Variants in THADA observed in about 807,000 individuals in gnomAD.
THADA encodes the protein tRNA (32-2'-O)-methyltransferase regulator THADA.
Under a neutral mutation model 219.8 loss-of-function variants are expected in THADA, and 213 were observed. The ratio of observed to expected loss-of-function variants is 0.97; its 90% CI spans 0.87 to 1.09. THADA has a LOEUF of 1.09. Among genes scored for constraint, THADA ranks in the 50% least tolerant of loss-of-function variants. The probability of loss-of-function intolerance (pLI) is 0.00; values close to 1 mark genes in which losing one functional copy is unlikely to be tolerated. For missense variants in THADA, 2,956 were observed against 2,311.3 expected, an observed-to-expected ratio of 1.28 and a Z score of -5.72; for synonymous variants, 1,018 against 828.9, an observed-to-expected ratio of 1.23 and a Z score of -3.92.
intron 26 of THADA, among the ~76,000 whole-genome samples, chr2:43,460,239 A>T (rs1003720746): frequency 6.3e-3 from 97 of 15,490 alleles, no homozygotes; most frequent in Admixed American, 0.023. Flanking sequence ...TTCTCTTAAT[A>T]AAAAAAAAAA....
intron 21 of THADA, among the ~76,000 whole-genome samples, chr2:43,539,378 T>C (rs534432916): frequency 6.6e-6 from 1 of 152,362 alleles, no homozygotes; most frequent in Non-Finnish European, 1.5e-5. Context: ...CATGTAAGTA[T>C]ATTTAATTAT....
intron 21 of THADA, among the ~76,000 whole-genome samples, chr2:43,530,377 C>T (rs1052168388): frequency 2.0e-5 from 3 of 152,040 alleles, no homozygotes; most frequent in African/African-American, 4.8e-5. Flanking sequence ...CGAATTAAAC[C>T]CCTAAAATAG....
At chr2:43,552,779 G>A (rs1003868058) in intron 17 of THADA, among the ~76,000 whole-genome samples, 1 of 150,722 alleles carries the variant, frequency 6.6e-6, no homozygotes, top group African/African-American at 2.4e-5. Context: ...ATTAATTTTA[G>A]AACATTTTCA....
intron 29 of THADA, among the ~76,000 whole-genome samples, chr2:43,395,388 G>A (rs752251994): frequency 7.9e-5 from 12 of 152,172 alleles, no homozygotes; most frequent in Non-Finnish European, 1.6e-4. Context: ...GAGCCACAAT[G>A]GTCCATCTTT....
chr2:43,343,211 T>C (rs1667246760), intron 30 of THADA: 1 of 152,162 alleles, frequency 6.6e-6, no homozygotes, highest in Non-Finnish European at 1.5e-5. Context: ...TTGTTGTCGT[T>C]GTTTTGTAGA....
rs2103997804 is a variant in THADA at position 43,570,405 on chromosome 2, A to T, written c.2170T>A (p.Ser724Thr). The T allele has an allele frequency of 6.2e-7, 1 of 1,612,426 alleles. No homozygotes were observed. The highest frequency in any genetic ancestry group is 2.2e-5 in the East Asian group (1 of 44,796). Reference sequence around the variant, plus strand: ...TCACCTACCTTATACTGCTGTAAAGAAACAGAAGGGTGCTGTTTGGTTAAC... The same window carrying T: ...TCACCTACCTTATACTGCTGTAAAGTAACAGAAGGGTGCTGTTTGGTTAAC... ...NELTKQHPSV[S>T]LQQYKNFMSS... Residue 724 changes from serine (S) to threonine (T), a missense_variant, in exon 14 of 38, where the codon TCT (serine) becomes ACT (threonine). By Grantham distance (58) the Ser-to-Thr change is moderately conservative. Coordinates refer to ENST00000405975, the MANE Select transcript of THADA (RefSeq NM_022065.5).
intron 29 of THADA, among the ~76,000 whole-genome samples, chr2:43,348,883 T>C (rs1456289521): frequency 6.6e-6 from 1 of 152,124 alleles, no homozygotes; most frequent in Non-Finnish European, 1.5e-5. Context: ...GGGAGCTCTA[T>C]TAATAATCAC....
At chr2:43,392,846 A>G (rs978533065) in intron 29 of THADA, among the ~76,000 whole-genome samples, 4 of 152,176 alleles carry the variant, frequency 2.6e-5, no homozygotes, top group Non-Finnish European at 4.4e-5. Flanking sequence ...TTAAGTTTGC[A>G]TCAAAGGCAA....
chr2:43,291,588 A>G lies in THADA; in HGVS notation c.5010+108T>C, dbSNP rs142093778. The G allele has an allele frequency of 1.3e-4, 86 of 661,640 alleles. No homozygotes were observed. In the East Asian group the frequency reaches 2.6e-3, roughly 20 times the overall value. The allele number at this position is 661,640 out of a possible 1,614,324, so 41.0% of individuals were successfully genotyped here. ...ATATTTCTGTAGATGTTACATACAC[A>G]TATCACAGGGGTTCTGCCTGCTAAG... On this transcript the variant is annotated intron_variant, in intron 34 of 37. Transcript: ENST00000405975.
intron 3 of THADA, 57 bp downstream of exon 3, chr2:43,591,895 A>G: frequency 8.4e-7 from 1 of 1,187,446 alleles, no homozygotes; most frequent in Non-Finnish European, 1.1e-6. Context: ...TTTTTTTTAA[A>G]TCCTTAATAG....
Position 43,541,218 on chromosome 2 carries a change from G to A in THADA, c.3205C>T (p.Gln1069Ter), listed in dbSNP as rs1695257649. ...GGCACAGGCTGCATGGGCAGAAGCTGGCACAACATGCCTAAAAGTAAAGCA... is the reference window on the plus strand; with the variant it reads ...GGCACAGGCTGCATGGGCAGAAGCTAGCACAACATGCCTAAAAGTAAAGCA... Reference protein sequence around the residue: ...EVALLLGMLCQLLPMQPVPES... With the variant: ...EVALLLGMLC Residue 1069 changes from glutamine (Q) to a stop codon, truncating the protein, a stop_gained, in exon 21 of 38, where the codon CAG (glutamine) becomes TAG (stop). Transcript: ENST00000405975. LOFTEE classifies it high-confidence loss of function. 6.2e-7 allele frequency: 1 copy of A among 1,610,870 alleles called. No homozygotes were observed. The highest frequency in any genetic ancestry group is 1.1e-5 in the South Asian group (1 of 90,270).
At chr2:43,391,839 T>C (rs1309579145) in intron 29 of THADA, 1 of 152,208 alleles carries the variant, frequency 6.6e-6, no homozygotes, top group Non-Finnish European at 1.5e-5. Context: ...GCCTTAACCC[T>C]TCTTGGACTA....
intron 29 of THADA, among the ~76,000 whole-genome samples, chr2:43,379,069 T>A (rs545310413): frequency 6.6e-6 from 1 of 152,080 alleles, no homozygotes; most frequent in Admixed American, 6.5e-5. Context: ...TTAGCAAGCA[T>A]AAATACTGAG....
chr2:43,234,592 C>G (rs1161175263), intron 36 of THADA, among the ~76,000 whole-genome samples: 1 of 152,216 alleles, frequency 6.6e-6, no homozygotes, highest in South Asian at 2.1e-4. Context: ...TTCTGCAGTT[C>G]TCAATTGGCT....
intron 14 of THADA, among the ~76,000 whole-genome samples, chr2:43,567,919 G>C (rs1242943472): frequency 6.6e-6 from 1 of 152,142 alleles, no homozygotes; most frequent in Non-Finnish European, 1.5e-5. Flanking sequence ...CATTACTCAA[G>C]TCCTCCATTC....
intron 22 of THADA, among the ~76,000 whole-genome samples, chr2:43,522,730 A>G (rs1692655520): frequency 6.6e-6 from 1 of 152,252 alleles, no homozygotes; most frequent in South Asian, 2.1e-4. Flanking sequence ...AAAAATGAAA[A>G]TAAAAATGCA....
intron 14 of THADA, among the ~76,000 whole-genome samples, chr2:43,567,953 C>T (rs769962433): frequency 6.6e-6 from 1 of 152,170 alleles, no homozygotes; most frequent in East Asian, 1.9e-4. Flanking sequence ...ATGTCATTCA[C>T]ATCAGTGAAT....
At chr2:43,234,865 G>A (rs561397669) in intron 36 of THADA, among the ~76,000 whole-genome samples, 99 of 152,224 alleles carry the variant, frequency 6.5e-4, no homozygotes, top group African/African-American at 2.3e-3. Context: ...TAGAGACTGG[G>A]TTTCACCATG....
At position 43,231,310 on chromosome 2, in the gene THADA, C is replaced by T. The variant is rs745714135; in HGVS notation, c.5500G>A (p.Val1834Ile). ...ATCAGGGTCTCGGCCCAAAAGTTGA[C>T]TTCTGCTTTTTCAAACAGGTAGTCT... ...EEDYLFEKAEVNFWAETLIFV... is the reference protein window; with the variant it reads ...EEDYLFEKAEINFWAETLIFV... Residue 1834 changes from valine to isoleucine, a missense_variant, in exon 38 of 38, where the codon GTC becomes ATC. Coordinates refer to ENST00000405975, the MANE Select transcript of THADA (RefSeq NM_022065.5). The T allele has an allele frequency of 6.4e-7, 1 of 1,567,766 alleles. No individual in the cohort carries two copies. The highest frequency in any genetic ancestry group is 2.2e-5 in the East Asian group (1 of 44,550).
Sources: allele counts gnomAD v4.1 joint callset (sites outside exome capture counted in the v4.1 genomes callset), GRCh38; gene constraint gnomAD v4.1.1; transcripts MANE v1.5; gene names NCBI Gene and HGNC (gene_info 2026-07-23, HGNC 2026-07-21).